Variants in SIK3 observed in about 807,000 individuals in gnomAD.
The protein encoded by SIK3 is serine/threonine-protein kinase SIK3.
A neutral mutation model predicts 144.2 loss-of-function variants in SIK3; 28 were observed. The ratio of observed to expected loss-of-function variants is 0.19; its 90% confidence interval spans 0.14 to 0.27. The LOEUF is 0.27. SIK3 is among the 10% of genes least tolerant of loss of function. SIK3 has a pLI of 1.00. For synonymous variants in SIK3, 686 were observed against 676.3 expected (o/e 1.01, Z -0.22); for missense variants, 1,319 against 1,776.0 (o/e 0.74, Z 4.62).
At chr11:117,068,177 T>C (rs1954100104) in intron 1 of SIK3, among the ~76,000 whole-genome samples, 1 of 152,120 alleles carries the variant, frequency 6.6e-6, no homozygotes, top group African/African-American at 2.4e-5. Context: ...AATAAATACT[T>C]AGGTAGCTTA....
In SIK3 at chr11:116,873,996, C is replaced by T; in HGVS notation, c.1488G>A (p.Gln496=). The T allele has an allele frequency of 1.9e-6, 3 of 1,614,112 alleles. No homozygotes were observed. Among genetic ancestry groups the T allele is most frequent in the Non-Finnish European group, 2.5e-6 (3 of 1,179,986 alleles). Residue 496 remains glutamine (Q), a synonymous_variant, in exon 12 of 25, where the codon CAG becomes CAA. Transcript: ENST00000445177. Reference sequence around the variant, plus strand: ...TAGGGGCCACCTGCAGGAATGGAGCCTGGGGGTTGACTCCAGGAAAGCCAG... The same window carrying T: ...TAGGGGCCACCTGCAGGAATGGAGCTTGGGGGTTGACTCCAGGAAAGCCAG... The part of the protein sequence containing the change: ...LLPGFPGVNP[Q]APFLQVAPNV...
At chr11:117,042,313 C>A (rs1952780234) in intron 1 of SIK3, among the ~76,000 whole-genome samples, 1 of 152,146 alleles carries the variant, frequency 6.6e-6, no homozygotes, top group South Asian at 2.1e-4. Context: ...TTCTTTAGAT[C>A]TATTGGCTGA....
At chr11:116,967,738 G>T (rs1949611455) in intron 1 of SIK3, among the ~76,000 whole-genome samples, 1 of 152,164 alleles carries the variant, frequency 6.6e-6, no homozygotes, top group African/African-American at 2.4e-5. Flanking sequence ...GTCAAAAGGT[G>T]CATCGTTGTG....
intron 1 of SIK3, among the ~76,000 whole-genome samples, chr11:117,092,144 C>A (rs886637773): frequency 6.6e-6 from 1 of 152,026 alleles, no homozygotes; most frequent in South Asian, 2.1e-4. Flanking sequence ...TCTGATGTCA[C>A]CCCCGTGTCA....
rs755402298 is a variant in SIK3, at chr11:116,846,401, C to T, written c.4105G>A (p.Val1369Met). ...CACTCACTCTCTGTTTCTTGTTACACGCCTGCCTGCTCCATGCTGAAGGAG... is the reference window on the plus strand; with the variant it reads ...CACTCACTCTCTGTTTCTTGTTACATGCCTGCCTGCTCCATGCTGAAGGAG... The part of the protein sequence containing the change: ...EVSFSMEQAG[V>M] The change falls in exon 24 of 25, where the codon GTG (valine) becomes ATG (methionine). Residue 1369 changes from valine to methionine, a missense_variant. Val to Met is a conservative substitution (Grantham distance 21). Transcript: ENST00000445177. This position sits in a 1 kb window ranked among gnomAD's most constrained non-coding sequence, Gnocchi z 4.1. 40 of 1,613,898 alleles carry T rather than the reference C, an allele frequency of 2.5e-5. No individual in the cohort carries two copies. The African/African-American group carries it at 4.3e-4, about 17-fold the overall frequency.
At chr11:117,002,012 C>T (rs945271246) in intron 1 of SIK3, among the ~76,000 whole-genome samples, 2 of 152,234 alleles carry the variant, frequency 1.3e-5, no homozygotes, top group Non-Finnish European at 2.9e-5. Flanking sequence ...TTTATCCTTT[C>T]CCATTGCCTG....
chr11:116,902,714 G>A (rs1312095510), intron 4 of SIK3, among the ~76,000 whole-genome samples: 1 of 152,134 alleles, frequency 6.6e-6, no homozygotes, highest in East Asian at 1.9e-4. Context: ...CCTGTCGAGA[G>A]GTCTTCTATA....
At chr11:116,969,793 A>G (rs1195244262) in intron 1 of SIK3, among the ~76,000 whole-genome samples, 4 of 152,224 alleles carry the variant, frequency 2.6e-5, no homozygotes, top group East Asian at 3.8e-4. Context: ...GGTTACAGAC[A>G]AAACTTTTTA....
intron 3 of SIK3, among the ~76,000 whole-genome samples, chr11:116,938,579 AGG>A (rs1186566836): frequency 4.2e-5 from 2 of 47,664 alleles, no homozygotes; most frequent in East Asian, 9.1e-4. Context: ...AGGGGAGGGG[AGG>A]GGAGGAGAGG....
intron 1 of SIK3, 64 bp downstream of exon 1, chr11:117,098,079 G>C: frequency 6.4e-6 from 8 of 1,256,254 alleles, no homozygotes; most frequent in Non-Finnish European, 7.0e-6. Context: ...CCCCCCGGCT[G>C]GGGGGCGCGG....
At chr11:116,971,420 CAA>C (rs1192728413) in intron 1 of SIK3, among the ~76,000 whole-genome samples, 4 of 152,148 alleles carry the variant, frequency 2.6e-5, no homozygotes, top group African/African-American at 4.8e-5. Context: ...ATGAGAAACT[CAA>C]AGAGTCAATT....
At chr11:116,947,826 A>C (rs1454473444) in intron 3 of SIK3, among the ~76,000 whole-genome samples, 1 of 151,712 alleles carries the variant, frequency 6.6e-6, no homozygotes, top group Non-Finnish European at 1.5e-5. Flanking sequence ...AGCCTCCCAA[A>C]GTGCTGGGAT....
chr11:117,040,948 C>CT (rs369066520), intron 1 of SIK3, among the ~76,000 whole-genome samples: 1,242 of 116,790 alleles, frequency 0.011, 13 homozygotes, highest in East Asian at 0.014. Context: ...TACCTGCCTC[C>CT]TTTTTTTTTT....
At chr11:116,985,806 A>G (rs576206511) in intron 1 of SIK3, among the ~76,000 whole-genome samples, 8 of 152,252 alleles carry the variant, frequency 5.3e-5, no homozygotes, top group Non-Finnish European at 1.0e-4. Context: ...TAGAAGTACA[A>G]CTAATAACTG....
intron 3 of SIK3, among the ~76,000 whole-genome samples, chr11:116,939,359 G>A (rs1163363527): frequency 6.6e-6 from 1 of 152,184 alleles, no homozygotes; most frequent in South Asian, 2.1e-4. Context: ...TGTTGGTCAG[G>A]CTGGTCTGAA....
At chr11:116,882,026 T>A (rs1404201746) in intron 6 of SIK3, among the ~76,000 whole-genome samples, 1 of 152,088 alleles carries the variant, frequency 6.6e-6, no homozygotes, top group East Asian at 1.9e-4. Context: ...AAACACATTA[T>A]TGGTATTCTG....
At chr11:117,073,142 T>C (rs959177215) in intron 1 of SIK3, among the ~76,000 whole-genome samples, 7 of 152,166 alleles carry the variant, frequency 4.6e-5, no homozygotes, top group Non-Finnish European at 7.4e-5. Flanking sequence ...AAAAACCTAA[T>C]GAGGGAAGGG....
intron 1 of SIK3, among the ~76,000 whole-genome samples, chr11:117,029,392 G>A (rs927007288): frequency 6.6e-6 from 1 of 152,158 alleles, no homozygotes; most frequent in African/African-American, 2.4e-5. Flanking sequence ...AGGAGGCAGA[G>A]GCTGCAGTGA....
intron 1 of SIK3, among the ~76,000 whole-genome samples, chr11:116,984,951 G>A (rs550235918): frequency 1.3e-5 from 2 of 152,294 alleles, no homozygotes; most frequent in African/African-American, 4.8e-5. Flanking sequence ...GGTTCTTTCA[G>A]TCACTGGCAA....
Sources: gnomAD v4.1 joint callset for allele counts (sites outside exome capture counted in the v4.1 genomes callset) on GRCh38, gnomAD v4.1.1 for gene constraint, Gnocchi (gnomAD v3.1) non-coding constraint, MANE v1.5 for transcripts, NCBI Gene and HGNC (gene_info 2026-07-23, HGNC 2026-07-21) for gene names.